Variants in PTPRT observed in about 807,000 individuals in gnomAD.
The protein encoded by PTPRT is protein tyrosine phosphatase receptor type T.
A neutral mutation model predicts 176.8 loss-of-function variants in PTPRT; 56 were observed. The observed-to-expected ratio is 0.32, with a 90% CI of 0.26 to 0.40. PTPRT has a LOEUF of 0.40. Ranked by LOEUF, PTPRT falls within the 10% of genes least tolerant of loss-of-function variation. PTPRT has a pLI of 1.00. For missense variants in PTPRT, 1,540 were observed against 1,908.2 expected (o/e 0.81, Z 3.60); for synonymous variants, 783 against 739.0 (o/e 1.06, Z -0.96).
At chr20:42,868,695 G>A (rs144520352) in intron 2 of PTPRT, among the ~76,000 whole-genome samples, 1 of 152,170 alleles carries the variant, frequency 6.6e-6, no homozygotes, top group African/African-American at 2.4e-5. Context: ...ATTAGTATGG[G>A]TGTAAGGAAG....
intron 1 of PTPRT, among the ~76,000 whole-genome samples, chr20:42,952,495 T>C (rs1283699185): frequency 6.6e-6 from 1 of 152,244 alleles, no homozygotes; most frequent in East Asian, 1.9e-4. Context: ...TGCCACTTAC[T>C]AGCTCCATTA....
chr20:43,135,645 G>C (rs1186458251), intron 1 of PTPRT, among the ~76,000 whole-genome samples: 3 of 148,866 alleles, frequency 2.0e-5, no homozygotes, highest in Non-Finnish European at 4.4e-5. Flanking sequence ...GAAACACACT[G>C]TTGGTTGGGA....
At chr20:42,418,884 T>C (rs1466680040) in intron 9 of PTPRT, among the ~76,000 whole-genome samples, 1 of 152,190 alleles carries the variant, frequency 6.6e-6, no homozygotes, top group Admixed American at 6.5e-5. Context: ...TCCTCTTGCC[T>C]TTGAGAAAGA....
At chr20:42,559,098 T>A (rs948408528) in intron 7 of PTPRT, among the ~76,000 whole-genome samples, 3 of 152,186 alleles carry the variant, frequency 2.0e-5, no homozygotes, top group African/African-American at 7.2e-5. Context: ...TAGTGCTTAT[T>A]ATGAACTATG....
At chr20:43,013,513 G>A (rs1051494289) in intron 1 of PTPRT, among the ~76,000 whole-genome samples, 2 of 152,060 alleles carry the variant, frequency 1.3e-5, no homozygotes, top group African/African-American at 4.8e-5. Context: ...ACAAACAGGT[G>A]GTACAATAGC....
At chr20:42,316,115 A>G in intron 11 of PTPRT, 119 bp from the exon 12 acceptor site, 2 of 1,139,138 alleles carry the variant, frequency 1.8e-6, no homozygotes, top group East Asian at 2.5e-5. Flanking sequence ...GTCTACAACA[A>G]AACTCCAGTC....
intron 15 of PTPRT, among the ~76,000 whole-genome samples, chr20:42,201,296 T>TCAAA (rs375653026): frequency 1.4e-4 from 22 of 152,094 alleles, no homozygotes; most frequent in African/African-American, 4.6e-4. Flanking sequence ...TGAGACCCCA[T>TCAAA]CAAACAAACA....
At chr20:43,019,634 AAAG>A in intron 1 of PTPRT, among the ~76,000 whole-genome samples, 1 of 151,652 alleles carries the variant, frequency 6.6e-6, no homozygotes, top group Non-Finnish European at 1.5e-5. Flanking sequence ...AAAAAAAAAA[AAAG>A]AATAATTGGA....
At chr20:42,119,869 A>C in intron 20 of PTPRT, 66 bp downstream of exon 20, 1 of 1,423,218 alleles carries the variant, frequency 7.0e-7, no homozygotes, top group Non-Finnish European at 9.8e-7. Context: ...CTTGCAGTTA[A>C]GAGAGCCCTT....
chr20:42,665,988 T>G (rs190105403), intron 7 of PTPRT, among the ~76,000 whole-genome samples: 2 of 151,862 alleles, frequency 1.3e-5, no homozygotes, highest in East Asian at 3.9e-4. Context: ...ATATACCTAA[T>G]GTTAAATGAC....
chr20:42,893,401 A>T (rs1172141075), intron 1 of PTPRT, among the ~76,000 whole-genome samples: 1 of 152,018 alleles, frequency 6.6e-6, no homozygotes, highest in Non-Finnish European at 1.5e-5. Context: ...GAACACTTTT[A>T]CACTGTTGGT....
intron 2 of PTPRT, among the ~76,000 whole-genome samples, chr20:42,880,916 C>T (rs1042731070): frequency 2.0e-5 from 3 of 152,200 alleles, no homozygotes; most frequent in Non-Finnish European, 4.4e-5. Context: ...GTGTAACATT[C>T]AATTCACAGA....
intron 6 of PTPRT, among the ~76,000 whole-genome samples, chr20:42,752,737 A>G (rs2076784234): frequency 6.6e-6 from 1 of 152,182 alleles, no homozygotes; most frequent in Non-Finnish European, 1.5e-5. Flanking sequence ...CAAATACTTC[A>G]GTATTAAAGT....
At chr20:42,247,892 A>T (rs2056482449) in intron 14 of PTPRT, among the ~76,000 whole-genome samples, 1 of 152,120 alleles carries the variant, frequency 6.6e-6, no homozygotes, top group Non-Finnish European at 1.5e-5. Context: ...GATAGCTGAT[A>T]TTCACCCTTT....
At chr20:42,131,217 G>C (rs1422814538) in intron 18 of PTPRT, among the ~76,000 whole-genome samples, 1 of 152,284 alleles carries the variant, frequency 6.6e-6, no homozygotes, top group East Asian at 1.9e-4. Flanking sequence ...AGGACTTCCT[G>C]GGGGACAGCC....
At chr20:42,035,498 A>G in the PTPRT span, among the ~76,000 whole-genome samples, 1 of 152,186 alleles carries the variant, frequency 6.6e-6, no homozygotes, top group Non-Finnish European at 1.5e-5. Flanking sequence ...AAGCTCACAG[A>G]GACCCTCAGC....
chr20:42,243,602 A>G (rs1050215914), intron 14 of PTPRT, among the ~76,000 whole-genome samples: 2 of 152,206 alleles, frequency 1.3e-5, no homozygotes, highest in Non-Finnish European at 2.9e-5. Context: ...AAAGAAGAAA[A>G]TAGCGAAATT....
chr20:42,655,708 A>G (rs989462553), intron 7 of PTPRT, among the ~76,000 whole-genome samples: 2 of 145,560 alleles, frequency 1.4e-5, no homozygotes, highest in African/African-American at 4.9e-5. Context: ...AAGGATGGTG[A>G]GGGGTGGATT....
intron 1 of PTPRT, among the ~76,000 whole-genome samples, chr20:42,890,623 C>A (rs190031848): frequency 6.6e-6 from 1 of 152,192 alleles, no homozygotes; most frequent in Non-Finnish European, 1.5e-5. Flanking sequence ...GAAATTAAAG[C>A]CAAGCTTCCC....
Sources: allele counts gnomAD v4.1 joint callset (sites outside exome capture counted in the v4.1 genomes callset), GRCh38; gene constraint gnomAD v4.1.1; transcripts MANE v1.5; gene names NCBI Gene and HGNC (gene_info 2026-07-23, HGNC 2026-07-21).